PCSK5: variants seen among roughly 807,000 people sequenced by gnomAD.
PCSK5 encodes proprotein convertase subtilisin/kexin type 5, also known as prohormone convertase 5.
PCSK5 carries 129 observed loss-of-function variants against 233.2 expected under a neutral mutation model. The observed-to-expected ratio is 0.55, with a 90% CI of 0.48 to 0.64. The LOEUF (loss-of-function observed/expected upper bound fraction) is 0.64, where lower values mean the gene tolerates loss of function less well. Among genes scored for constraint, PCSK5 ranks in the 30% least tolerant of loss-of-function variants. The pLI, the probability that PCSK5 is intolerant of heterozygous loss-of-function variation, is 0.00. For missense variants in PCSK5, 2,076 were observed against 2,430.1 expected (o/e 0.85, Z 3.06); for synonymous variants, 825 against 879.2 (o/e 0.94, Z 1.09).
intron 22 of PCSK5, among the ~76,000 whole-genome samples, chr9:76,237,607 A>T (rs2131325058): frequency 6.8e-6 from 1 of 148,042 alleles, no homozygotes; most frequent in Non-Finnish European, 1.5e-5. Flanking sequence ...ATCTCTACAA[A>T]ACATACAAAA....
At chr9:76,311,772 G>A (rs1828871444) in intron 30 of PCSK5, among the ~76,000 whole-genome samples, 1 of 152,160 alleles carries the variant, frequency 6.6e-6, no homozygotes, top group Non-Finnish European at 1.5e-5. Context: ...TCATCACAAA[G>A]TCTGGTTTTT....
chr9:76,004,270 A>G lies in PCSK5; in HGVS notation c.411+18025A>G, dbSNP rs546493834. On this transcript the variant is annotated intron_variant, in intron 3 of 37. Transcript: ENST00000674117. Reference sequence around the variant, plus strand: ...TTTCTTTGATGTTTTTTTTTTCAGGAGTAGATGAGGAGTTAAATATTTTTA... The same window carrying G: ...TTTCTTTGATGTTTTTTTTTTCAGGGGTAGATGAGGAGTTAAATATTTTTA... 3.3e-5 allele frequency among the ~76,000 whole-genome samples: 5 copies of G among 151,398 alleles called. 1 individual carries two copies. In the East Asian group the frequency reaches 9.7e-4, roughly 29 times the overall value.
chr9:76,251,098 T>C (rs1288254865), intron 24 of PCSK5, among the ~76,000 whole-genome samples: 1 of 152,080 alleles, frequency 6.6e-6, no homozygotes, highest in Non-Finnish European at 1.5e-5. Flanking sequence ...CCAGATACCA[T>C]TTGTACACAA....
At chr9:75,949,121 A>G (rs1397098145) in intron 2 of PCSK5, among the ~76,000 whole-genome samples, 1 of 150,714 alleles carries the variant, frequency 6.6e-6, no homozygotes, top group Non-Finnish European at 1.5e-5. Context: ...CAAATTTTTA[A>G]TATGAGTATG....
chr9:76,285,686 A>C (rs1343241834), intron 24 of PCSK5, among the ~76,000 whole-genome samples: 2 of 152,174 alleles, frequency 1.3e-5, no homozygotes, highest in African/African-American at 4.8e-5. Flanking sequence ...ATTCTGCCTA[A>C]ACATAGTGTC....
At chr9:76,071,651 A>G in intron 6 of PCSK5, 75 bp from the exon 7 acceptor site, 1 of 1,239,776 alleles carries the variant, frequency 8.1e-7, no homozygotes, top group Non-Finnish European at 1.1e-6. Flanking sequence ...TCCCCCCGAG[A>G]ATCCTGCAGC....
intron 22 of PCSK5, among the ~76,000 whole-genome samples, chr9:76,238,386 A>G (rs1826316396): frequency 6.6e-6 from 1 of 152,240 alleles, no homozygotes. Context: ...GAATGCACGT[A>G]AAAGAGTCAA....
At chr9:76,327,975 G>A (rs779218056) in intron 32 of PCSK5, 34 bp from the exon 33 acceptor site, 23 of 1,412,148 alleles carry the variant, frequency 1.6e-5, no homozygotes, top group Admixed American at 5.0e-5. Context: ...CCTGGCTCTC[G>A]CTCACTCTGT....
chr9:76,063,537 G>C (rs1830118951), intron 5 of PCSK5, among the ~76,000 whole-genome samples: 1 of 75,610 alleles, frequency 1.3e-5, no homozygotes, highest in African/African-American at 5.7e-5. Context: ...GACTCTTAAC[G>C]AGCATGCTGC....
chr9:76,046,175 T>TG (rs1563993008), intron 5 of PCSK5, among the ~76,000 whole-genome samples: 8 of 112,544 alleles, frequency 7.1e-5, no homozygotes, highest in Non-Finnish European at 1.3e-4. Flanking sequence ...TTTTTTTTTT[T>TG]TTTTTTTTTT....
At chr9:76,168,330 G>T (rs970833063) in intron 12 of PCSK5, among the ~76,000 whole-genome samples, 3 of 152,130 alleles carry the variant, frequency 2.0e-5, no homozygotes, top group Non-Finnish European at 4.4e-5. Context: ...TGTATTTTTA[G>T]TAGAGACGGG....
At chr9:76,055,890 T>C (rs1402493989) in intron 5 of PCSK5, among the ~76,000 whole-genome samples, 1 of 152,168 alleles carries the variant, frequency 6.6e-6, no homozygotes, top group African/African-American at 2.4e-5. Flanking sequence ...TTACAGAGTG[T>C]GATATAAGCA....
intron 2 of PCSK5, among the ~76,000 whole-genome samples, chr9:75,983,222 A>G (rs1826357003): frequency 6.6e-6 from 1 of 152,204 alleles, no homozygotes; most frequent in South Asian, 2.1e-4. Flanking sequence ...GCATTTTTAA[A>G]GCAACAGCAT....
intron 3 of PCSK5, among the ~76,000 whole-genome samples, chr9:75,993,807 T>TA (rs1403951441): frequency 2.6e-5 from 4 of 152,218 alleles, no homozygotes; most frequent in African/African-American, 9.6e-5. Context: ...TTAGTTCCTC[T>TA]AGCACTGAAT....
chr9:76,280,419 G>A (rs1300396308), intron 24 of PCSK5, among the ~76,000 whole-genome samples: 1 of 152,136 alleles, frequency 6.6e-6, no homozygotes, highest in Non-Finnish European at 1.5e-5. Flanking sequence ...GCTTAAAATT[G>A]ATTAAGCTTA....
chr9:76,021,990 G>T (rs1828213357), intron 3 of PCSK5, among the ~76,000 whole-genome samples: 2 of 152,056 alleles, frequency 1.3e-5, no homozygotes, highest in South Asian at 4.1e-4. Flanking sequence ...TACCATCTTT[G>T]CATTTGCTGT....
chr9:76,129,666 A>G (rs966188653), intron 9 of PCSK5, among the ~76,000 whole-genome samples: 9 of 151,910 alleles, frequency 5.9e-5, no homozygotes, highest in African/African-American at 2.2e-4. Context: ...TATTTCTAGC[A>G]CTCACACATG....
At chr9:76,325,644 C>CTTTTTTTTTTTTTT (rs1554721674) in intron 32 of PCSK5, among the ~76,000 whole-genome samples, 1 of 150,466 alleles carries the variant, frequency 6.6e-6, no homozygotes. Context: ...ATTGCACTTT[C>CTTTTTTTTTTTTTT]TTTTTTTTGA....
At chr9:76,354,312 A>T in intron 37 of PCSK5, 93 bp downstream of exon 37, 1 of 964,456 alleles carries the variant, frequency 1.0e-6, no homozygotes, top group Non-Finnish European at 1.5e-6. Flanking sequence ...AGTTCAGGAG[A>T]ATCAATATGG....
Sources: gnomAD v4.1 joint callset for allele counts (sites outside exome capture counted in the v4.1 genomes callset) on GRCh38, gnomAD v4.1.1 for gene constraint, MANE v1.5 for transcripts, NCBI Gene and HGNC (gene_info 2026-07-23, HGNC 2026-07-21) for gene names.